TAFA5: variants seen among roughly 807,000 people sequenced by gnomAD.
The protein encoded by TAFA5 is chemokine-like protein TAFA-5.
In TAFA5, 6 loss-of-function variants were observed where a neutral mutation model predicts 15.3. That is an observed-to-expected ratio of 0.39 (90% CI 0.21 to 0.77). The LOEUF (loss-of-function observed/expected upper bound fraction) is 0.77. Among genes scored for constraint, TAFA5 ranks in the 30% least tolerant of loss-of-function variants. The pLI, the probability that TAFA5 is intolerant of heterozygous loss-of-function variation, is 0.41. For missense variants in TAFA5, 161 were observed against 193.1 expected (o/e 0.83, Z 0.98); for synonymous variants, 103 against 80.7 (o/e 1.28, Z -1.48).
chr22:48,608,305 A>T (rs1394663581), intron 1 of TAFA5, among the ~76,000 whole-genome samples: 1 of 152,244 alleles, frequency 6.6e-6, no homozygotes, highest in Non-Finnish European at 1.5e-5. Context: ...CACCGTAGCC[A>T]TCAGCCATAT....
At chr22:48,649,083 C>T (rs1926965016) in intron 2 of TAFA5, among the ~76,000 whole-genome samples, 1 of 152,234 alleles carries the variant, frequency 6.6e-6, no homozygotes. Context: ...CCCCTAACCC[C>T]TGAGGCCTTT....
chr22:48,713,912 C>T (rs1401642913), intron 3 of TAFA5, among the ~76,000 whole-genome samples: 2 of 152,274 alleles, frequency 1.3e-5, no homozygotes, highest in African/African-American at 4.8e-5. Context: ...GCCCCACTAA[C>T]AGATCCATGG....
At chr22:48,684,792 G>A (rs1222367764) in intron 2 of TAFA5, among the ~76,000 whole-genome samples, 1 of 152,160 alleles carries the variant, frequency 6.6e-6, no homozygotes, top group African/African-American at 2.4e-5. Context: ...ATGTTTCATG[G>A]TGACCCCAGG....
chr22:48,597,973 A>G (rs1924831907), intron 1 of TAFA5, among the ~76,000 whole-genome samples: 2 of 152,194 alleles, frequency 1.3e-5, no homozygotes, highest in African/African-American at 4.8e-5. Context: ...GGGGGAGTGT[A>G]CCTGTCAGGG....
At chr22:48,679,785 C>G (rs1296088032) in intron 2 of TAFA5, among the ~76,000 whole-genome samples, 1 of 152,106 alleles carries the variant, frequency 6.6e-6, no homozygotes, top group Non-Finnish European at 1.5e-5. Flanking sequence ...GCTCCCTGTC[C>G]ATCCCTCTCC....
At chr22:48,603,851 G>A (rs1179257108) in intron 1 of TAFA5, among the ~76,000 whole-genome samples, 1 of 152,096 alleles carries the variant, frequency 6.6e-6, no homozygotes, top group Non-Finnish European at 1.5e-5. Flanking sequence ...TGGCAGGCTG[G>A]AGGACCCTGG....
At chr22:48,705,813 C>G (rs978280132) in intron 2 of TAFA5, among the ~76,000 whole-genome samples, 1 of 152,214 alleles carries the variant, frequency 6.6e-6, no homozygotes, top group African/African-American at 2.4e-5. Context: ...ATTTGCACAA[C>G]TGTTTATGTA....
intron 1 of TAFA5, among the ~76,000 whole-genome samples, chr22:48,559,492 T>C (rs1004887141): frequency 1.3e-5 from 2 of 151,926 alleles, no homozygotes; most frequent in African/African-American, 4.8e-5. Context: ...CTGACCCTGG[T>C]GGTCCTGGAG....
intron 1 of TAFA5, among the ~76,000 whole-genome samples, chr22:48,605,936 C>T (rs1925176825): frequency 6.6e-6 from 1 of 152,156 alleles, no homozygotes; most frequent in South Asian, 2.1e-4. Flanking sequence ...CTGCAGTGAA[C>T]AGGGAAGGGC....
chr22:48,731,063 C>A (rs1200738814), intron 3 of TAFA5, among the ~76,000 whole-genome samples: 1 of 152,152 alleles, frequency 6.6e-6, no homozygotes, highest in East Asian at 1.9e-4. Context: ...AAGTACTACT[C>A]CAGTGAATAT....
At chr22:48,690,358 G>A (rs1219696313) in intron 2 of TAFA5, among the ~76,000 whole-genome samples, 1 of 152,086 alleles carries the variant, frequency 6.6e-6, no homozygotes, top group African/African-American at 2.4e-5. Context: ...AGGTGTGAGG[G>A]CCGGGGCTAT....
intron 2 of TAFA5, among the ~76,000 whole-genome samples, chr22:48,675,317 G>T (rs963295608): frequency 8.5e-5 from 13 of 152,242 alleles, no homozygotes; most frequent in East Asian, 1.9e-4. Flanking sequence ...GACTCAGGAG[G>T]CTTCCTGTGG....
chr22:48,584,906 A>G (rs1478082121), intron 1 of TAFA5, among the ~76,000 whole-genome samples: 2 of 149,246 alleles, frequency 1.3e-5, no homozygotes, highest in South Asian at 2.2e-4. Flanking sequence ...CATCTCACAC[A>G]CACACACCAC....
intron 2 of TAFA5, among the ~76,000 whole-genome samples, chr22:48,667,012 T>G (rs1884341): frequency 0.014 from 2,059 of 152,170 alleles, 47 homozygotes; most frequent in East Asian, 0.067. Flanking sequence ...CCCAGTCCTG[T>G]CTGGGGAAGC....
At chr22:48,705,588 A>G (rs1929053335) in intron 2 of TAFA5, among the ~76,000 whole-genome samples, 1 of 152,232 alleles carries the variant, frequency 6.6e-6, no homozygotes, top group African/African-American at 2.4e-5. Context: ...CCTGTGGTCC[A>G]GCGGCATGAT....
chr22:48,548,035 T>C (rs1601571341), intron 1 of TAFA5, among the ~76,000 whole-genome samples: 1 of 151,774 alleles, frequency 6.6e-6, no homozygotes, highest in Non-Finnish European at 1.5e-5. Flanking sequence ...TCTTCGGAGG[T>C]CCCAGGAGTG....
intron 3 of TAFA5, among the ~76,000 whole-genome samples, chr22:48,730,894 G>A (rs1929851582): frequency 1.3e-5 from 2 of 152,142 alleles, no homozygotes; most frequent in Non-Finnish European, 1.5e-5. Context: ...GTGTTCAAGT[G>A]AAAGGAAGAG....
chr22:48,521,232 AC>A (rs1377927609), intron 1 of TAFA5, among the ~76,000 whole-genome samples: 7 of 152,110 alleles, frequency 4.6e-5, no homozygotes, highest in Non-Finnish European at 8.8e-5. Context: ...TCATCTGGGC[AC>A]TTTTAAAAAA....
At chr22:48,527,208 A>G (rs1921809979) in intron 1 of TAFA5, among the ~76,000 whole-genome samples, 1 of 151,740 alleles carries the variant, frequency 6.6e-6, no homozygotes, top group Non-Finnish European at 1.5e-5. Context: ...GTCAGAGGCG[A>G]CCCCGTGGCA....
Sources: allele counts gnomAD v4.1 joint callset (sites outside exome capture counted in the v4.1 genomes callset), GRCh38; gene constraint gnomAD v4.1.1; transcripts MANE v1.5; gene names NCBI Gene and HGNC (gene_info 2026-07-23, HGNC 2026-07-21).